RNGTT: variants seen among roughly 807,000 people sequenced by gnomAD.
The protein encoded by RNGTT is mRNA-capping enzyme.
Under a neutral mutation model 79.3 loss-of-function variants are expected in RNGTT, and 33 were observed. That is an observed-to-expected ratio of 0.42 (90% CI 0.32 to 0.56). The LOEUF is 0.56. Among genes scored for constraint, RNGTT ranks in the 20% least tolerant of loss-of-function variants. The probability of loss-of-function intolerance (pLI) is 0.17; values close to 1 mark genes in which losing one functional copy is unlikely to be tolerated. For missense variants in RNGTT, 497 were observed against 739.1 expected (o/e 0.67, Z 3.80); for synonymous variants, 222 against 235.9 (o/e 0.94, Z 0.54).
At chr6:88,715,203 A>G (rs1231877343) in intron 13 of RNGTT, among the ~76,000 whole-genome samples, 5 of 152,260 alleles carry the variant, frequency 3.3e-5, no homozygotes, top group Admixed American at 3.3e-4. Flanking sequence ...CATGAGTGAA[A>G]TCCCATTCAC....
intron 13 of RNGTT, among the ~76,000 whole-genome samples, chr6:88,753,190 A>T (rs1388232308): frequency 6.6e-6 from 1 of 152,186 alleles, no homozygotes; most frequent in African/African-American, 2.4e-5. Context: ...AATAATGGTT[A>T]TGAAAAAATA....
intron 14 of RNGTT, among the ~76,000 whole-genome samples, chr6:88,640,564 AAG>A (rs1773274345): frequency 7.1e-6 from 1 of 140,304 alleles, no homozygotes; most frequent in African/African-American, 3.1e-5. Flanking sequence ...AAAAAAAGAA[AAG>A]AAAAAAAAAA....
rs897719950 is a variant in RNGTT at position 88,610,552 on chromosome 6, A to G, written c.*2167T>C. On this transcript the variant is annotated 3_prime_UTR_variant, in exon 16 of 16. Coordinates refer to ENST00000369485, the MANE Select transcript of RNGTT (RefSeq NM_003800.5). ...TCACAATGTCCAAAATCCTGCCTCT[A>G]GATTATCCCCCTGACCTTCTAAATG... 6.6e-6 allele frequency: 1 copy of G among 152,236 alleles called. No homozygotes were observed. Among genetic ancestry groups the G allele is most frequent in the Non-Finnish European group, 1.5e-5 (1 of 68,034 alleles). The allele number at this position is 152,236 out of a possible 1,614,324, so 9.4% of individuals were successfully genotyped here.
intron 13 of RNGTT, among the ~76,000 whole-genome samples, chr6:88,763,383 CTT>C (rs1778336410): frequency 6.6e-6 from 1 of 152,086 alleles, no homozygotes; most frequent in Non-Finnish European, 1.5e-5. Context: ...TTTCATTTCT[CTT>C]GGGTATATAC....
chr6:88,779,821 C>T (rs939130003), intron 12 of RNGTT, among the ~76,000 whole-genome samples: 5 of 152,122 alleles, frequency 3.3e-5, no homozygotes, highest in African/African-American at 1.2e-4. Context: ...GATGAAACAC[C>T]ATCTCTACTA....
chr6:88,674,895 A>T (rs1251854276), intron 14 of RNGTT, among the ~76,000 whole-genome samples: 3 of 152,002 alleles, frequency 2.0e-5, no homozygotes, highest in Non-Finnish European at 2.9e-5. Flanking sequence ...TCAGGAGTTC[A>T]AGACCAGTCT....
rs1309683002 is a variant in RNGTT, at chr6:88,746,113, G to A, written c.1439+23661C>T. 4.6e-5 allele frequency among the ~76,000 whole-genome samples: 7 copies of A among 152,302 alleles called. No individual in the cohort carries two copies. In the East Asian group the frequency reaches 1.3e-3, roughly 29 times the overall value. On this transcript the variant is annotated intron_variant, in intron 13 of 15. Coordinates refer to ENST00000369485, the MANE Select transcript of RNGTT (RefSeq NM_003800.5). ...GTGGGAAGCCTGGTGGCACTCACCT[G>A]CAAGGCTCTAGCAGACCAGCTCTAG...
chr6:88,872,693 G>T (rs77804395), intron 8 of RNGTT, among the ~76,000 whole-genome samples: 3,087 of 152,160 alleles, frequency 0.02, 108 homozygotes, highest in African/African-American at 0.069. Context: ...TATTAGAAAT[G>T]GCTATAACAA....
chr6:88,644,316 T>C (rs1362942018), intron 14 of RNGTT, among the ~76,000 whole-genome samples: 3 of 152,040 alleles, frequency 2.0e-5, no homozygotes, highest in South Asian at 2.1e-4. Flanking sequence ...AAGTTGAATC[T>C]CTGAATAGAC....
intron 12 of RNGTT, among the ~76,000 whole-genome samples, chr6:88,770,145 A>G (rs1778601097): frequency 6.6e-6 from 1 of 152,182 alleles, no homozygotes; most frequent in South Asian, 2.1e-4. Flanking sequence ...ACTTAAAAGA[A>G]GCTTCATTTT....
At chr6:88,852,955 T>A (rs138403755) in intron 9 of RNGTT, among the ~76,000 whole-genome samples, 2,004 of 152,304 alleles carry the variant, frequency 0.013, 22 homozygotes, top group South Asian at 0.046. Flanking sequence ...TTGCTAAGTG[T>A]GGGGAAAAAG....
chr6:88,788,110 T>C (rs1779290425), intron 12 of RNGTT, among the ~76,000 whole-genome samples: 1 of 152,198 alleles, frequency 6.6e-6, no homozygotes, highest in African/African-American at 2.4e-5. Flanking sequence ...TCTGATGTTT[T>C]TGAGAAATTC....
intron 14 of RNGTT, 123 bp downstream of exon 14, chr6:88,678,230 G>C: frequency 7.1e-7 from 1 of 1,401,676 alleles, no homozygotes; most frequent in East Asian, 2.8e-5. Context: ...TGATCCACCT[G>C]TCTTAGCCTC....
intron 8 of RNGTT, among the ~76,000 whole-genome samples, chr6:88,876,367 AC>A (rs1782518707): frequency 1.3e-5 from 2 of 152,238 alleles, no homozygotes; most frequent in East Asian, 3.9e-4. Context: ...TATCTCAACA[AC>A]AAAAAAAAGA....
chr6:88,785,755 G>A (rs1434810703), intron 12 of RNGTT, among the ~76,000 whole-genome samples: 3 of 152,088 alleles, frequency 2.0e-5, no homozygotes, highest in African/African-American at 7.2e-5. Flanking sequence ...TTCAAGACAA[G>A]GCATTAGGCT....
chr6:88,631,532 C>T (rs1363991550), intron 14 of RNGTT, among the ~76,000 whole-genome samples: 1 of 152,174 alleles, frequency 6.6e-6, no homozygotes, highest in Non-Finnish European at 1.5e-5. Context: ...TGAATAAAGG[C>T]TCTAGAGGTG....
chr6:88,764,112 T>A (rs1027524945), intron 13 of RNGTT, among the ~76,000 whole-genome samples: 1 of 152,106 alleles, frequency 6.6e-6, no homozygotes, highest in Non-Finnish European at 1.5e-5. Flanking sequence ...CCTCCTCCAA[T>A]CTTCTAAATT....
At chr6:88,678,650 T>C (rs893028035) in intron 13 of RNGTT, among the ~76,000 whole-genome samples, 1 of 152,078 alleles carries the variant, frequency 6.6e-6, no homozygotes, top group Non-Finnish European at 1.5e-5. Context: ...CAAGTGTGGT[T>C]GTGTGTGCCT....
chr6:88,929,287 A>C lies in RNGTT; in HGVS notation c.175-20T>G. 1 of 1,463,804 alleles carries C rather than the reference A, an allele frequency of 6.8e-7. No homozygotes were observed. The highest frequency in any genetic ancestry group is 9.4e-7 in the Non-Finnish European group (1 of 1,062,036). The allele number at this position is 1,463,804 out of a possible 1,614,324, so 90.7% of individuals were successfully genotyped here. A position where few individuals can be genotyped will look rare whatever the true frequency, so the allele number is the denominator to read the frequency against. Reference sequence around the variant, plus strand: ...TTTAACCTAAAAAAAAAAAAAAATGAAAGGGCAAATTTACTAGTAACTTAA... The same window carrying C: ...TTTAACCTAAAAAAAAAAAAAAATGCAAGGGCAAATTTACTAGTAACTTAA... On this transcript the variant is annotated intron_variant, in intron 2 of 15. Transcript: ENST00000369485.
Sources: allele counts gnomAD v4.1 joint callset (sites outside exome capture counted in the v4.1 genomes callset), GRCh38; gene constraint gnomAD v4.1.1; transcripts MANE v1.5; gene names NCBI Gene and HGNC (gene_info 2026-07-23, HGNC 2026-07-21).